The following PTPN14 variants were observed in gnomAD, a reference collection of about 807,000 sequenced individuals.
PTPN14 encodes tyrosine-protein phosphatase non-receptor type 14.
Under a neutral mutation model 126.8 loss-of-function variants are expected in PTPN14, and 53 were observed. That is an observed-to-expected ratio of 0.42 (90% CI 0.34 to 0.53). The LOEUF (loss-of-function observed/expected upper bound fraction) is 0.53. Ranked by LOEUF, PTPN14 falls within the 20% of genes least tolerant of loss-of-function variation. PTPN14 has a pLI of 0.08. For synonymous variants in PTPN14, 630 were observed against 599.3 expected (o/e 1.05, Z -0.75); for missense variants, 1,257 against 1,552.9 (o/e 0.81, Z 3.20).
chr1:214,545,052 G>A (rs949744222), intron 1 of PTPN14, among the ~76,000 whole-genome samples: 3 of 152,240 alleles, frequency 2.0e-5, no homozygotes, highest in Admixed American at 2.0e-4. Context: ...TAAGTGTTAG[G>A]GGCGCTAGCA....
chr1:214,485,733 T>C (rs368088014), intron 1 of PTPN14, among the ~76,000 whole-genome samples: 19 of 151,866 alleles, frequency 1.3e-4, no homozygotes, highest in African/African-American at 4.6e-4. Context: ...TATATTTCTT[T>C]TTTTTTTTTT....
chr1:214,424,165 G>A (rs1017797770), intron 3 of PTPN14, among the ~76,000 whole-genome samples: 2 of 151,288 alleles, frequency 1.3e-5, no homozygotes, highest in Non-Finnish European at 2.9e-5. Context: ...GTGTGGTGGC[G>A]GGCGCCTGTA....
intron 1 of PTPN14, among the ~76,000 whole-genome samples, chr1:214,515,344 CA>C (rs1655073179): frequency 6.6e-6 from 1 of 151,866 alleles, no homozygotes; most frequent in Non-Finnish European, 1.5e-5. Context: ...ATCTTCCTGC[CA>C]GCACCACACT....
Position 214,384,835 on chromosome 1 carries a change from C to A in PTPN14, c.1067-47G>T. Reference sequence around the variant, plus strand: ...CACGTGAACCTCCAAGCCATCCTGCCACAACAAAGTACATCCTCATACTCA... The same window carrying A: ...CACGTGAACCTCCAAGCCATCCTGCAACAACAAAGTACATCCTCATACTCA... On this transcript the variant is annotated intron_variant, in intron 12 of 18. Coordinates refer to ENST00000366956, the MANE Select transcript of PTPN14 (RefSeq NM_005401.5). The surrounding 1 kb of genome is among the most constrained non-coding windows in gnomAD (Gnocchi z 5.3). The A allele has an allele frequency of 6.4e-7, 1 of 1,572,734 alleles. No homozygotes were observed. Among genetic ancestry groups the A allele is most frequent in the Admixed American group, 1.8e-5 (1 of 56,650 alleles).
chr1:214,434,602 T>A (rs1239744602), intron 3 of PTPN14, among the ~76,000 whole-genome samples: 1 of 152,178 alleles, frequency 6.6e-6, no homozygotes, highest in African/African-American at 2.4e-5. Flanking sequence ...TTGTGGTTAA[T>A]TTTTAATATA....
rs1355125383 is a variant in PTPN14 at position 214,369,654 on chromosome 1, T to C, written c.3074A>G (p.Lys1025Arg). 6.2e-7 allele frequency: 1 copy of C among 1,614,194 alleles called. No homozygotes were observed. The highest frequency in any genetic ancestry group is 1.1e-5 in the South Asian group (1 of 91,080). Residue 1025 changes from lysine (K) to arginine (R), a missense_variant, in exon 17 of 19, where the codon AAA (lysine) becomes AGA (arginine). Transcript: ENST00000366956. ...GRTKSHRYWP[K>R]LGSKHSSATY... is the part of the protein sequence containing the mutation. ...GGCTGAGCTGTGCTTTGAACCTAGT[T>C]TGGGCCAGTATCGGTGGCTTTTGGT...
At position 214,384,228 on chromosome 1, in the gene PTPN14, C is replaced by T. The variant is rs1448896196; in HGVS notation, c.1627G>A (p.Ala543Thr). ...TGGCTGCCCTGCAGCTGCATGTTGGCCAGCTCTGGGGTGCTCACCGTGTGC... is the reference window on the plus strand; with the variant it reads ...TGGCTGCCCTGCAGCTGCATGTTGGTCAGCTCTGGGGTGCTCACCGTGTGC... ...ISHTVSTPEL[A>T]NMQLQGSHNY... Residue 543 changes from alanine (A) to threonine (T), a missense_variant, in exon 13 of 19, where the codon GCC (alanine) becomes ACC (threonine). Transcript: ENST00000366956. The surrounding 1 kb of genome is among the most constrained non-coding windows in gnomAD (Gnocchi z 5.3). 6.2e-7 allele frequency: 1 copy of T among 1,613,530 alleles called. No individual in the cohort carries two copies. Among genetic ancestry groups the T allele is most frequent in the Non-Finnish European group, 8.5e-7 (1 of 1,179,842 alleles).
intron 1 of PTPN14, among the ~76,000 whole-genome samples, chr1:214,499,893 A>G (rs1000823719): frequency 1.6e-4 from 24 of 151,944 alleles, no homozygotes; most frequent in African/African-American, 5.3e-4. Flanking sequence ...AAGCCATTAC[A>G]TTTCCTACAG....
chr1:214,363,609 C>T (rs1658004764), intron 18 of PTPN14, among the ~76,000 whole-genome samples: 2 of 152,152 alleles, frequency 1.3e-5, no homozygotes, highest in Admixed American at 1.3e-4. Flanking sequence ...AGACACAGAC[C>T]TTGCTTCTGG....
intron 3 of PTPN14, among the ~76,000 whole-genome samples, chr1:214,449,500 C>T (rs1167782862): frequency 6.6e-6 from 1 of 152,148 alleles, no homozygotes; most frequent in Non-Finnish European, 1.5e-5. Context: ...CCATGTTTCA[C>T]CCTCATCACT....
At chr1:214,492,901 G>GA (rs966703560) in intron 1 of PTPN14, among the ~76,000 whole-genome samples, 1,347 of 84,806 alleles carry the variant, frequency 0.016, 5 homozygotes, top group East Asian at 0.028. Flanking sequence ...CTGTCTCAAA[G>GA]AAAAAAAAAA....
chr1:214,448,317 G>A (rs1006954330), intron 3 of PTPN14, among the ~76,000 whole-genome samples: 14 of 152,058 alleles, frequency 9.2e-5, no homozygotes, highest in East Asian at 1.9e-4. Flanking sequence ...TGCAAGCTCC[G>A]CCTCCCAGGT....
intron 2 of PTPN14, among the ~76,000 whole-genome samples, chr1:214,454,077 G>A (rs964594136): frequency 1.2e-4 from 19 of 152,192 alleles, no homozygotes; most frequent in Admixed American, 5.9e-4. Context: ...GGTATTCCAC[G>A]GTATTTTGGA....
chr1:214,492,914 AAAAG>A (rs1278271670), intron 1 of PTPN14, among the ~76,000 whole-genome samples: 1 of 152,070 alleles, frequency 6.6e-6, no homozygotes, highest in Admixed American at 6.6e-5. Context: ...AAAAAAAAAA[AAAAG>A]AATGCGGCAG....
rs190448780 is a variant in PTPN14 at position 214,388,335 on chromosome 1, G to A, written c.988-1413C>T. Among the ~76,000 whole-genome samples, 97 of 152,124 alleles carry A rather than the reference G, an allele frequency of 6.4e-4. 1 individual carries two copies. The South Asian group carries it at 9.4e-3, about 15-fold the overall frequency. On this transcript the variant is annotated intron_variant, in intron 11 of 18. Transcript: ENST00000366956. ...GTTTGAAATAAGAGTTTTGATTTGC[G>A]GGGGAAAAAACCCTCAAAACGCTTA... is the stretch of plus-strand genomic sequence containing the variant.
At chr1:214,518,163 T>G (rs915593740) in intron 1 of PTPN14, among the ~76,000 whole-genome samples, 4 of 152,198 alleles carry the variant, frequency 2.6e-5, no homozygotes, top group African/African-American at 9.6e-5. Context: ...CCACCATGGA[T>G]GGGATGAATT....
rs139746627 is a variant in PTPN14 at position 214,411,569 on chromosome 1, C to A, written c.510+115G>T. On this transcript the variant is annotated intron_variant, in intron 5 of 18. Transcript: ENST00000366956. ...AAAACTTGCCCCTACTTTATAAACC[C>A]ATCGACTTTTTCCCCAGGGAATATG... The A allele has an allele frequency of 2.1e-5, 15 of 716,840 alleles. No homozygotes were observed. The African/African-American group carries it at 2.5e-4, about 12-fold the overall frequency. 44.4% of individuals were successfully genotyped at this position (716,840 alleles called of 1,614,324 possible).
chr1:214,497,620 G>A (rs530069503), intron 1 of PTPN14, among the ~76,000 whole-genome samples: 45 of 145,738 alleles, frequency 3.1e-4, no homozygotes, highest in African/African-American at 1.0e-3. Context: ...GGGACCTGGT[G>A]CAAAGGTACA....
chr1:214,392,756 C>T (rs1213298432), intron 10 of PTPN14, among the ~76,000 whole-genome samples: 1 of 152,118 alleles, frequency 6.6e-6, no homozygotes, highest in Non-Finnish European at 1.5e-5. Context: ...TTTCAGACCC[C>T]GACAGTGACC....
Sources: gnomAD v4.1 joint callset for allele counts (sites outside exome capture counted in the v4.1 genomes callset) on GRCh38, gnomAD v4.1.1 for gene constraint, Gnocchi (gnomAD v3.1) non-coding constraint, MANE v1.5 for transcripts, NCBI Gene and HGNC (gene_info 2026-07-23, HGNC 2026-07-21) for gene names.